Variants in SPATA16 observed in about 807,000 individuals in gnomAD.
The protein encoded by SPATA16 is spermatogenesis associated 16.
SPATA16 carries 36 observed loss-of-function variants against 63.3 expected under a neutral mutation model. The ratio of observed to expected loss-of-function variants is 0.57; its 90% CI spans 0.44 to 0.75. The LOEUF (loss-of-function observed/expected upper bound fraction) is 0.75, where lower values mean the gene tolerates loss of function less well. Ranked by LOEUF, SPATA16 falls within the 30% of genes least tolerant of loss-of-function variation. The pLI, the probability that SPATA16 is intolerant of heterozygous loss-of-function variation, is 0.00. For missense variants in SPATA16, 646 were observed against 679.3 expected (o/e 0.95, Z 0.54); for synonymous variants, 203 against 216.7 (o/e 0.94, Z 0.56).
rs951949 is a variant in SPATA16, at chr3:172,925,071, A to G, written c.1228+275T>C. ...TTTCTTCTACCTCTGCTAATTGATA[A>G]TGATGAAAACTAGTATTCTTTAAGC... On this transcript the variant is annotated intron_variant, in intron 7 of 10. Coordinates refer to ENST00000351008, the MANE Select transcript of SPATA16 (RefSeq NM_031955.6). Among the ~76,000 whole-genome samples the G allele has an allele frequency of 0.47, 71,527 of 151,976 alleles. 19,465 individuals carry two copies. Among genetic ancestry groups the G allele is most frequent in the South Asian group, 0.67 (3,237 of 4,822 alleles).
At chr3:172,998,142 G>C (rs1734732398) in intron 4 of SPATA16, among the ~76,000 whole-genome samples, 1 of 152,086 alleles carries the variant, frequency 6.6e-6, no homozygotes, top group East Asian at 1.9e-4. Context: ...CTGACATTCT[G>C]ACAGTTTTGA....
At chr3:173,103,229 C>T (rs372695610) in intron 2 of SPATA16, among the ~76,000 whole-genome samples, 12 of 152,282 alleles carry the variant, frequency 7.9e-5, no homozygotes, top group African/African-American at 2.2e-4. Context: ...AAGCTGCTGG[C>T]GGTGCTATTG....
At chr3:173,117,877 T>C (rs989726676) in intron 1 of SPATA16, 128 bp from the exon 2 acceptor site, 4 of 1,423,056 alleles carry the variant, frequency 2.8e-6, no homozygotes, top group Non-Finnish European at 9.5e-7. Flanking sequence ...TAAGTAAAAC[T>C]GTATTTACAT....
At chr3:173,099,034 A>G (rs1043957498) in intron 2 of SPATA16, among the ~76,000 whole-genome samples, 9 of 152,188 alleles carry the variant, frequency 5.9e-5, no homozygotes, top group African/African-American at 2.2e-4. Flanking sequence ...TCTGCTTCTC[A>G]TATCCAACCA....
intron 3 of SPATA16, among the ~76,000 whole-genome samples, chr3:173,048,542 A>G (rs965302490): frequency 2.0e-5 from 3 of 152,130 alleles, no homozygotes; most frequent in Admixed American, 2.0e-4. Flanking sequence ...TAATGTGATC[A>G]CCAAATAAGC....
intron 4 of SPATA16, among the ~76,000 whole-genome samples, chr3:173,018,238 A>G (rs762449446): frequency 6.6e-5 from 10 of 151,984 alleles, no homozygotes; most frequent in Non-Finnish European, 1.5e-4. Flanking sequence ...GGAACATCTT[A>G]CAAACATGGA....
intron 4 of SPATA16, among the ~76,000 whole-genome samples, chr3:172,980,065 T>C (rs1734262486): frequency 6.6e-6 from 1 of 152,234 alleles, no homozygotes; most frequent in Non-Finnish European, 1.5e-5. Flanking sequence ...TGTCTGGTTC[T>C]CTATTGTAAC....
intron 6 of SPATA16, among the ~76,000 whole-genome samples, chr3:172,930,130 C>A (rs1158979571): frequency 6.6e-6 from 1 of 152,200 alleles, no homozygotes; most frequent in Non-Finnish European, 1.5e-5. Flanking sequence ...TGAAGAGTTT[C>A]CCCACCAGTC....
chr3:173,001,283 T>C (rs546025144), intron 4 of SPATA16, among the ~76,000 whole-genome samples: 110 of 151,752 alleles, frequency 7.2e-4, no homozygotes, highest in African/African-American at 2.3e-3. Flanking sequence ...TTTTTTTTTG[T>C]TTTCACCCTT....
intron 2 of SPATA16, among the ~76,000 whole-genome samples, chr3:173,110,786 G>A (rs924540617): frequency 5.3e-5 from 8 of 152,054 alleles, no homozygotes; most frequent in Admixed American, 1.3e-4. Context: ...GGAGCCCTGC[G>A]GCCACTTACG....
chr3:172,978,798 CTA>C (rs1199062146), intron 4 of SPATA16, among the ~76,000 whole-genome samples: 1 of 152,200 alleles, frequency 6.6e-6, no homozygotes, highest in African/African-American at 2.4e-5. Context: ...GCAGAAGCAG[CTA>C]TAGACAATAC....
intron 4 of SPATA16, among the ~76,000 whole-genome samples, chr3:173,004,508 G>C (rs1734896870): frequency 1.3e-5 from 2 of 151,118 alleles, no homozygotes; most frequent in Non-Finnish European, 2.9e-5. Context: ...AAATCAGCCA[G>C]AGTCTTGACC....
chr3:173,121,540 T>C (rs1682627978), intron 1 of SPATA16, among the ~76,000 whole-genome samples: 1 of 152,194 alleles, frequency 6.6e-6, no homozygotes, highest in Non-Finnish European at 1.5e-5. Flanking sequence ...ATGGCATTTA[T>C]AGCACCTTTT....
At chr3:173,051,052 G>A (rs941829681) in intron 2 of SPATA16, among the ~76,000 whole-genome samples, 42 of 152,224 alleles carry the variant, frequency 2.8e-4, no homozygotes, top group Non-Finnish European at 5.9e-5. Flanking sequence ...ACAGGATCCA[G>A]AAATACCTAA....
At chr3:172,986,800 A>G (rs1270659621) in intron 4 of SPATA16, among the ~76,000 whole-genome samples, 2 of 152,212 alleles carry the variant, frequency 1.3e-5, no homozygotes, top group African/African-American at 2.4e-5. Flanking sequence ...GAGAACCTTG[A>G]TAACACTTTA....
At position 173,028,015 on chromosome 3, in the gene SPATA16, C is replaced by CTCCCTCCCTTCT. The variant is rs1560100971; in HGVS notation, c.759-8441_759-8440insAGAAGGGAGGGA. Among the ~76,000 whole-genome samples the CTCCCTCCCTTCT allele has an allele frequency of 1.0e-3, 58 of 55,484 alleles. 1 individual carries two copies. The highest frequency in any genetic ancestry group is 1.5e-3 in the Non-Finnish European group (47 of 30,328). The allele number at this position is 55,484 out of a possible 152,430, so 36.4% of individuals were successfully genotyped here. On this transcript the variant is annotated intron_variant, in intron 3 of 10. Transcript: ENST00000351008. The stretch of plus-strand genomic sequence containing the variant: ...CCTCCCTCCCTCCCTCCCTCCCTCC[C>CTCCCTCCCTTCT]TTCCTTCTTTCCTTCCTTCCTTCCT...
chr3:173,062,437 C>G (rs900724410), intron 2 of SPATA16, among the ~76,000 whole-genome samples: 1 of 152,190 alleles, frequency 6.6e-6, no homozygotes, highest in African/African-American at 2.4e-5. Context: ...TGACTAATAG[C>G]TAGCATTTAC....
chr3:173,074,741 G>T (rs1188191521), intron 2 of SPATA16, among the ~76,000 whole-genome samples: 1 of 152,002 alleles, frequency 6.6e-6, no homozygotes, highest in Non-Finnish European at 1.5e-5. Flanking sequence ...AAGGGACAAG[G>T]GTTGAAAAAC....
chr3:173,005,742 G>A lies in SPATA16; in HGVS notation c.848+13744C>T, dbSNP rs375873367. On this transcript the variant is annotated intron_variant, in intron 4 of 10. Coordinates refer to ENST00000351008, the MANE Select transcript of SPATA16 (RefSeq NM_031955.6). ...TTTGTTTTTCACTAATGGGTTTTTG[G>A]ATGTCCTTATCAACAGCCTGAGTTT... 1.2e-4 allele frequency among the ~76,000 whole-genome samples: 19 copies of A among 152,210 alleles called. 4 individuals carry two copies. The highest frequency in any genetic ancestry group is 3.3e-4 in the Admixed American group (5 of 15,300).
Sources: gnomAD v4.1 joint callset for allele counts (sites outside exome capture counted in the v4.1 genomes callset) on GRCh38, gnomAD v4.1.1 for gene constraint, MANE v1.5 for transcripts, NCBI Gene and HGNC (gene_info 2026-07-23, HGNC 2026-07-21) for gene names.